The following CTNNA3 variants were observed in gnomAD, a reference collection of about 807,000 sequenced individuals.
The protein encoded by CTNNA3 is catenin alpha 3, also known as catenin alpha-3.
Under a neutral mutation model 95.7 loss-of-function variants are expected in CTNNA3, and 76 were observed. That is an observed-to-expected ratio of 0.79 (90% CI 0.66 to 0.96). The LOEUF (loss-of-function observed/expected upper bound fraction) is 0.96. Ranked by LOEUF, CTNNA3 falls within the 40% of genes least tolerant of loss-of-function variation. The pLI is 0.00. For missense variants in CTNNA3, 1,191 were observed against 1,089.8 expected (o/e 1.09, Z -1.31); for synonymous variants, 431 against 374.4 (o/e 1.15, Z -1.74).
intron 13 of CTNNA3, among the ~76,000 whole-genome samples, chr10:66,162,848 T>A (rs539038260): frequency 6.6e-6 from 1 of 150,596 alleles, no homozygotes; most frequent in African/African-American, 2.4e-5. Flanking sequence ...GGGCTAGGCA[T>A]GTCTGAGCTC....
At chr10:66,602,965 T>C (rs1843985067) in intron 10 of CTNNA3, among the ~76,000 whole-genome samples, 1 of 152,070 alleles carries the variant, frequency 6.6e-6, no homozygotes, top group Non-Finnish European at 1.5e-5. Flanking sequence ...AAAGGCCATA[T>C]GTGACAAACC....
intron 14 of CTNNA3, among the ~76,000 whole-genome samples, chr10:66,074,292 C>T (rs991234672): frequency 2.0e-5 from 3 of 151,428 alleles, no homozygotes; most frequent in Admixed American, 6.6e-5. Flanking sequence ...AAAACTATTC[C>T]GTTTTTGGCT....
At chr10:66,903,476 G>T (rs1330860145) in intron 7 of CTNNA3, among the ~76,000 whole-genome samples, 1 of 152,126 alleles carries the variant, frequency 6.6e-6, no homozygotes, top group African/African-American at 2.4e-5. Flanking sequence ...ATAAGAAAAG[G>T]ATGCCCTCTC....
At chr10:66,773,078 T>C (rs1225714395) in intron 8 of CTNNA3, among the ~76,000 whole-genome samples, 1 of 152,156 alleles carries the variant, frequency 6.6e-6, no homozygotes, top group Non-Finnish European at 1.5e-5. Flanking sequence ...TAACTGTGAC[T>C]TCTACCAAAA....
At chr10:67,641,858 G>C (rs58091685) in intron 2 of CTNNA3, among the ~76,000 whole-genome samples, 16,667 of 152,122 alleles carry the variant, frequency 0.11, 1,418 homozygotes, top group African/African-American at 0.24. Context: ...GGCCTGTCGT[G>C]GGGTAGCCGG....
chr10:67,280,394 G>A (rs1039210490), intron 5 of CTNNA3, among the ~76,000 whole-genome samples: 1 of 139,664 alleles, frequency 7.2e-6, no homozygotes, highest in African/African-American at 2.8e-5. Flanking sequence ...GGTGATGCAG[G>A]ATTTTTTTCC....
chr10:66,505,811 G>A (rs1840429318), intron 11 of CTNNA3, among the ~76,000 whole-genome samples: 1 of 152,122 alleles, frequency 6.6e-6, no homozygotes, highest in South Asian at 2.1e-4. Flanking sequence ...ACAAGAAGTT[G>A]GCGTCTGGAG....
chr10:67,727,083 TGA>T (rs1246206397), intron 1 of CTNNA3, among the ~76,000 whole-genome samples: 6 of 109,780 alleles, frequency 5.5e-5, no homozygotes, highest in South Asian at 2.7e-4. Flanking sequence ...GATACATATA[TGA>T]TATAATTATA....
chr10:66,409,404 A>G (rs17177659), intron 11 of CTNNA3, among the ~76,000 whole-genome samples: 75 of 75,506 alleles, frequency 9.9e-4, no homozygotes, highest in Middle Eastern at 7.1e-3. Flanking sequence ...ACTGTTCCCA[A>G]AAAAAAAAAA....
intron 7 of CTNNA3, among the ~76,000 whole-genome samples, chr10:66,819,078 G>C (rs1166584567): frequency 6.8e-6 from 1 of 146,552 alleles, no homozygotes; most frequent in Non-Finnish European, 1.5e-5. Context: ...GGCAACAGAG[G>C]GAAACTCTTG....
intron 6 of CTNNA3, among the ~76,000 whole-genome samples, chr10:67,196,796 G>A (rs1324059594): frequency 6.6e-6 from 1 of 151,914 alleles, no homozygotes; most frequent in Non-Finnish European, 1.5e-5. Flanking sequence ...GGAATCTGTT[G>A]ATTTTGTTGT....
rs145268655 is a variant in CTNNA3 at position 66,242,458 on chromosome 10, A to T, written c.1884+38012T>A. 3.9e-5 allele frequency among the ~76,000 whole-genome samples: 6 copies of T among 152,330 alleles called. No individual in the cohort carries two copies. In the South Asian group the frequency reaches 6.2e-4, roughly 16 times the overall value. On this transcript the variant is annotated intron_variant, in intron 13 of 17. Transcript: ENST00000433211. ...TACGCATATTCAGCAAAGGACTGCTATCAAGAACATACGAAGAACTGCCAA... is the reference window on the plus strand; with the variant it reads ...TACGCATATTCAGCAAAGGACTGCTTTCAAGAACATACGAAGAACTGCCAA...
chr10:67,518,464 T>C (rs1839886386), intron 5 of CTNNA3, among the ~76,000 whole-genome samples: 1 of 152,154 alleles, frequency 6.6e-6, no homozygotes. Flanking sequence ...ATCAGATACG[T>C]GATGTGTTCC....
Position 67,231,040 on chromosome 10 carries a change from G to T in CTNNA3, c.580-11170C>A, listed in dbSNP as rs71611266. Among the ~76,000 whole-genome samples the T allele has an allele frequency of 6.1e-3, 933 of 152,250 alleles. 10 individuals are homozygous for T. Among genetic ancestry groups the T allele is most frequent in the African/African-American group, 0.021 (892 of 41,564 alleles). On this transcript the variant is annotated intron_variant, in intron 5 of 17. Coordinates refer to ENST00000433211, the MANE Select transcript of CTNNA3 (RefSeq NM_013266.4). Reference sequence around the variant, plus strand: ...GAGGGTCCTACGCCCACCGAGTCTCGCTGATTGCTAGCACAGCAGTCTGAG... The same window carrying T: ...GAGGGTCCTACGCCCACCGAGTCTCTCTGATTGCTAGCACAGCAGTCTGAG...
intron 5 of CTNNA3, among the ~76,000 whole-genome samples, chr10:67,428,697 G>A (rs1846002410): frequency 6.6e-6 from 1 of 151,980 alleles, no homozygotes; most frequent in South Asian, 2.1e-4. Flanking sequence ...TTGAGTCACT[G>A]GGCTGGGGAA....
Position 67,070,616 on chromosome 10 carries a change from G to A in CTNNA3, c.1047+109701C>T, listed in dbSNP as rs532650742. Among the ~76,000 whole-genome samples, 36 of 152,052 alleles carry A rather than the reference G, an allele frequency of 2.4e-4. No individual in the cohort carries two copies. The South Asian group carries it at 5.8e-3, about 25-fold the overall frequency. On this transcript the variant is annotated intron_variant, in intron 7 of 17. Coordinates refer to ENST00000433211, the MANE Select transcript of CTNNA3 (RefSeq NM_013266.4). ...CAGAAAATTAGCTGGGCATGGTGGC[G>A]TGTGCCTGTCTTCCCAGCTGCTTGG... is the stretch of plus-strand genomic sequence containing the variant.
chr10:66,333,664 T>C (rs1436810716), intron 12 of CTNNA3, among the ~76,000 whole-genome samples: 2 of 151,882 alleles, frequency 1.3e-5, no homozygotes, highest in African/African-American at 2.4e-5. Flanking sequence ...TGGTCAATTT[T>C]GGAATAGGTG....
At chr10:67,202,458 T>A (rs1863690377) in intron 6 of CTNNA3, among the ~76,000 whole-genome samples, 1 of 152,150 alleles carries the variant, frequency 6.6e-6, no homozygotes, top group African/African-American at 2.4e-5. Flanking sequence ...TTTATCAAAC[T>A]GTATCTTAAA....
Position 65,920,471 on chromosome 10 carries a change from T to C in CTNNA3, c.2547A>G (p.Arg849=). 6.2e-7 allele frequency: 1 copy of C among 1,614,124 alleles called. No individual in the cohort carries two copies. Among genetic ancestry groups the C allele is most frequent in the Non-Finnish European group, 8.5e-7 (1 of 1,180,018 alleles). ...AGPRHPVVMW[R]MKAPAKKPLI... ...AGGGTTTTTTTGCAGGAGCCTTCAT[T>C]CTCCACATCACAACTGGGTGCCGGG... The change falls in exon 18 of 18, where the codon AGA becomes AGG. Residue 849 remains arginine (R), a synonymous_variant. Transcript: ENST00000433211.
Sources: allele counts gnomAD v4.1 joint callset (sites outside exome capture counted in the v4.1 genomes callset), GRCh38; gene constraint gnomAD v4.1.1; transcripts MANE v1.5; gene names NCBI Gene and HGNC (gene_info 2026-07-23, HGNC 2026-07-21).